The following MARCHF3 variants were observed in gnomAD, a reference collection of about 807,000 sequenced individuals.
The protein encoded by MARCHF3 is membrane associated ring-CH-type finger 3, also known as E3 ubiquitin-protein ligase MARCHF3.
A neutral mutation model predicts 24.2 loss-of-function variants in MARCHF3; 13 were observed. That is an observed-to-expected ratio of 0.54 (90% confidence interval 0.35 to 0.85). MARCHF3 has a LOEUF of 0.85. Ranked by LOEUF, MARCHF3 falls within the 40% of genes least tolerant of loss-of-function variation. The pLI is 0.01. For missense variants in MARCHF3, 276 were observed against 325.0 expected, an observed-to-expected ratio of 0.85 and a Z score of 1.16; for synonymous variants, 144 against 137.3, an observed-to-expected ratio of 1.05 and a Z score of -0.34.
intron 1 of MARCHF3, among the ~76,000 whole-genome samples, chr5:127,023,514 T>C (rs888667039): frequency 2.0e-5 from 3 of 152,108 alleles, no homozygotes; most frequent in Admixed American, 6.6e-5. Flanking sequence ...GCAGATCACT[T>C]GAGGTCAGGA....
At chr5:126,962,834 C>CGTGTGTGT (rs10635460) in intron 1 of MARCHF3, among the ~76,000 whole-genome samples, 5,664 of 147,596 alleles carry the variant, frequency 0.038, 119 homozygotes, top group East Asian at 0.036. Flanking sequence ...TGTGTGTGTG[C>CGTGTGTGT]GTGTGTGTGT....
In MARCHF3 at chr5:127,002,093, G is replaced by C. The variant is rs140754639; in HGVS notation, c.-57+28257C>G. On this transcript the variant is annotated intron_variant, in intron 1 of 4. Coordinates refer to ENST00000308660, the MANE Select transcript of MARCHF3 (RefSeq NM_178450.5). ...GAACTGAGTAGACTTAGTGAAGAAT[G>C]ACATGGCGCAAAAGGATTTAAAGAA... Among the ~76,000 whole-genome samples the C allele has an allele frequency of 1.2e-3, 178 of 152,302 alleles. 1 individual carries two copies. The highest frequency in any genetic ancestry group is 1.8e-3 in the Admixed American group (28 of 15,298).
At chr5:126,976,930 C>T (rs1364658743) in intron 1 of MARCHF3, among the ~76,000 whole-genome samples, 1 of 152,218 alleles carries the variant, frequency 6.6e-6, no homozygotes, top group Non-Finnish European at 1.5e-5. Flanking sequence ...GTCCCATCCT[C>T]CAAGACAATT....
chr5:127,024,939 G>A (rs1056338212), intron 1 of MARCHF3, among the ~76,000 whole-genome samples: 3 of 152,146 alleles, frequency 2.0e-5, no homozygotes, highest in Non-Finnish European at 2.9e-5. Flanking sequence ...GGATGGCTAC[G>A]CATTGCAAAA....
intron 2 of MARCHF3, among the ~76,000 whole-genome samples, chr5:126,915,789 T>C (rs914510573): frequency 2.6e-5 from 4 of 152,144 alleles, no homozygotes; most frequent in Non-Finnish European, 4.4e-5. Context: ...TGCCTTTAAT[T>C]TGGAAAAACC....
chr5:126,895,426 T>C lies in MARCHF3; in HGVS notation c.394-17032A>G, dbSNP rs898242375. The stretch of plus-strand genomic sequence containing the variant: ...TTCCAGTTTTTCTGTTCTGTTTTTT[T>C]CCCCATCTTTGTGGTTTTATCTACT... On this transcript the variant is annotated intron_variant, in intron 3 of 4. Coordinates refer to ENST00000308660, the MANE Select transcript of MARCHF3 (RefSeq NM_178450.5). Among the ~76,000 whole-genome samples the C allele has an allele frequency of 3.4e-4, 51 of 152,112 alleles. 2 individuals are homozygous for C. The highest frequency in any genetic ancestry group is 1.5e-5 in the Non-Finnish European group (1 of 68,038).
chr5:126,882,144 G>C (rs978015261), intron 3 of MARCHF3, among the ~76,000 whole-genome samples: 1 of 152,190 alleles, frequency 6.6e-6, no homozygotes, highest in Non-Finnish European at 1.5e-5. Context: ...GGTATCAGAG[G>C]TGAGATTTAA....
intron 4 of MARCHF3, among the ~76,000 whole-genome samples, chr5:126,877,481 C>T (rs1753195930): frequency 6.6e-6 from 1 of 152,060 alleles, no homozygotes; most frequent in African/African-American, 2.4e-5. Context: ...TTTGTGGGTG[C>T]TGTCAACTGG....
At chr5:126,905,801 C>T (rs1754270298) in intron 3 of MARCHF3, among the ~76,000 whole-genome samples, 1 of 151,926 alleles carries the variant, frequency 6.6e-6, no homozygotes, top group Non-Finnish European at 1.5e-5. Flanking sequence ...ATTGAATACC[C>T]TTTATTTCCT....
chr5:126,988,410 C>G (rs1751639493), intron 1 of MARCHF3, among the ~76,000 whole-genome samples: 1 of 152,220 alleles, frequency 6.6e-6, no homozygotes, highest in Admixed American at 6.5e-5. Context: ...GTTCACCACT[C>G]ATATCTAAAA....
chr5:126,925,074 T>C (rs1731865817), intron 1 of MARCHF3, among the ~76,000 whole-genome samples: 1 of 152,218 alleles, frequency 6.6e-6, no homozygotes, highest in African/African-American at 2.4e-5. Flanking sequence ...TTTTGTTGTC[T>C]CATTATTTTC....
chr5:126,958,429 G>A (rs1750522399), intron 1 of MARCHF3, among the ~76,000 whole-genome samples: 1 of 152,060 alleles, frequency 6.6e-6, no homozygotes, highest in East Asian at 1.9e-4. Flanking sequence ...TTGAATTAAA[G>A]CTTTTTCTTT....
At chr5:126,911,541 G>T (rs1012356456) in intron 3 of MARCHF3, among the ~76,000 whole-genome samples, 3 of 152,164 alleles carry the variant, frequency 2.0e-5, no homozygotes, top group African/African-American at 7.2e-5. Context: ...ATTGGACATA[G>T]ACCTTATGAG....
chr5:126,963,619 G>C (rs547869541), intron 1 of MARCHF3, among the ~76,000 whole-genome samples: 187 of 152,242 alleles, frequency 1.2e-3, no homozygotes, highest in African/African-American at 4.1e-3. Context: ...AAGATACTAA[G>C]CATTTTTTAG....
intron 1 of MARCHF3, among the ~76,000 whole-genome samples, chr5:126,942,863 T>C (rs1243725731): frequency 6.6e-6 from 1 of 152,240 alleles, no homozygotes; most frequent in Non-Finnish European, 1.5e-5. Flanking sequence ...GATAGCCCTG[T>C]ATCACTACTG....
At chr5:127,010,745 A>T (rs73339210) in intron 1 of MARCHF3, among the ~76,000 whole-genome samples, 2,391 of 152,294 alleles carry the variant, frequency 0.016, 57 homozygotes, top group African/African-American at 0.051. Flanking sequence ...AAAGGTAGGA[A>T]ATTCTGACAT....
chr5:126,932,751 T>C (rs1749519681), intron 1 of MARCHF3, among the ~76,000 whole-genome samples: 2 of 152,118 alleles, frequency 1.3e-5, no homozygotes, highest in African/African-American at 4.8e-5. Flanking sequence ...TCTGGGGAGC[T>C]AGGTGGGCCA....
rs997233536 is a variant in MARCHF3 at position 126,867,907 on chromosome 5, C to T, written c.*2726G>A. ...TAGTTGTTAATTCACCTTCTGGCTT[C>T]ACTGTGACACACATTTATCTCTACA... On this transcript the variant is annotated 3_prime_UTR_variant, in exon 5 of 5. Coordinates refer to ENST00000308660, the MANE Select transcript of MARCHF3 (RefSeq NM_178450.5). 6.6e-6 allele frequency: 1 copy of T among 152,186 alleles called. No individual in the cohort carries two copies. The highest frequency in any genetic ancestry group is 2.4e-5 in the African/African-American group (1 of 41,436). 9.4% of individuals were successfully genotyped at this position (152,186 alleles called of 1,614,324 possible). A position where few individuals can be genotyped will look rare whatever the true frequency, so the allele number is the denominator to read the frequency against.
chr5:126,917,957 A>G (rs765218981), intron 2 of MARCHF3, 27 bp downstream of exon 2: 3 of 1,601,108 alleles, frequency 1.9e-6, no homozygotes, highest in South Asian at 2.2e-5. Context: ...TCAATTACAG[A>G]TTCATTTATT....
Sources: gnomAD v4.1 joint callset for allele counts (sites outside exome capture counted in the v4.1 genomes callset) on GRCh38, gnomAD v4.1.1 for gene constraint, MANE v1.5 for transcripts, NCBI Gene and HGNC (gene_info 2026-07-23, HGNC 2026-07-21) for gene names.